Variants in DISP1 observed in about 807,000 individuals in gnomAD.
DISP1 encodes dispatched RND transporter family member 1.
A neutral mutation model predicts 37.3 loss-of-function variants in DISP1; 30 were observed. The ratio of observed to expected loss-of-function variants is 0.80; its 90% CI spans 0.60 to 1.09. DISP1 has a LOEUF of 1.09. Among genes scored for constraint, DISP1 ranks in the 50% least tolerant of loss-of-function variants. The probability of loss-of-function intolerance (pLI) is 0.00; values close to 1 mark genes in which losing one functional copy is unlikely to be tolerated. For missense variants in DISP1, 1,598 were observed against 1,879.5 expected (o/e 0.85, Z 2.77); for synonymous variants, 634 against 690.2 (o/e 0.92, Z 1.28).
At chr1:222,937,056 TGC>T in intron 2 of DISP1, among the ~76,000 whole-genome samples, 1 of 93,160 alleles carries the variant, frequency 1.1e-5, no homozygotes, top group Non-Finnish European at 1.9e-5. Flanking sequence ...ATATATAATA[TGC>T]AATATATAAT....
intron 2 of DISP1, among the ~76,000 whole-genome samples, chr1:222,936,842 TC>T (rs1673867882): frequency 2.0e-5 from 1 of 50,478 alleles, no homozygotes; most frequent in African/African-American, 7.3e-5. Context: ...ATTATATATA[TC>T]ATATATATGA....
intron 1 of DISP1, among the ~76,000 whole-genome samples, chr1:222,856,736 A>T (rs1259499466): frequency 1.5e-5 from 2 of 135,308 alleles, no homozygotes; most frequent in African/African-American, 5.6e-5. Context: ...ATGGAGTCTC[A>T]CTCTGTCACT....
At chr1:222,899,705 A>T (rs1420029055) in intron 1 of DISP1, 2 of 152,254 alleles carry the variant, frequency 1.3e-5, no homozygotes, top group Admixed American at 6.5e-5. Context: ...CAGCCCCCTG[A>T]ATACTTGGGA....
chr1:222,929,054 A>ACC (rs1673238973), intron 2 of DISP1, among the ~76,000 whole-genome samples: 1 of 152,246 alleles, frequency 6.6e-6, no homozygotes, highest in African/African-American at 2.4e-5. Flanking sequence ...CTTCCCTCCT[A>ACC]TAAAGAGAGT....
At chr1:222,977,977 A>G (rs1045733727) in intron 3 of DISP1, among the ~76,000 whole-genome samples, 2 of 152,108 alleles carry the variant, frequency 1.3e-5, no homozygotes, top group Admixed American at 6.5e-5. Context: ...GCTATTGTGA[A>G]TAGTGCCACA....
At chr1:222,837,119 G>A in intron 1 of DISP1, 1 of 398,456 alleles carries the variant, frequency 2.5e-6, no homozygotes, top group Non-Finnish European at 4.4e-6. Flanking sequence ...GATGTGAAAG[G>A]AAGAGATGCG....
At chr1:222,874,776 G>C (rs1347276906) in intron 1 of DISP1, among the ~76,000 whole-genome samples, 1 of 152,024 alleles carries the variant, frequency 6.6e-6, no homozygotes, top group Non-Finnish European at 1.5e-5. Flanking sequence ...GTCATTCTCC[G>C]TCCAGCTTTG....
intron 3 of DISP1, among the ~76,000 whole-genome samples, chr1:222,964,620 G>A (rs1434751544): frequency 6.6e-6 from 1 of 152,130 alleles, no homozygotes; most frequent in East Asian, 1.9e-4. Context: ...GGCTGCCCTG[G>A]TCATTTTTAG....
At chr1:222,834,706 A>G (rs17163518) in intron 1 of DISP1, among the ~76,000 whole-genome samples, 14,400 of 152,198 alleles carry the variant, frequency 0.095, 765 homozygotes, top group African/African-American at 0.12. Context: ...TAGTATCCCT[A>G]TAATTCTTTT....
At chr1:222,837,154 A>G (rs562508418) in intron 1 of DISP1, 5 of 397,818 alleles carry the variant, frequency 1.3e-5, no homozygotes, top group Non-Finnish European at 2.2e-5. Context: ...TCATCTTCTT[A>G]AAGAAAAAGC....
intron 3 of DISP1, among the ~76,000 whole-genome samples, chr1:222,954,690 TC>T (rs2125524981): frequency 6.6e-6 from 1 of 151,904 alleles, no homozygotes; most frequent in South Asian, 2.1e-4. Context: ...AGAGAAAGTG[TC>T]ATAGGAGAGG....
intron 2 of DISP1, among the ~76,000 whole-genome samples, chr1:222,939,851 C>T (rs949407523): frequency 2.6e-5 from 4 of 150,964 alleles, no homozygotes; most frequent in East Asian, 1.9e-4. Context: ...AAAGGCCGGG[C>T]GCAGTGGCTC....
In DISP1 at chr1:222,979,743, T is replaced by C. The variant is rs977684350; in HGVS notation, c.510-3337T>C. The C allele has an allele frequency of 2.4e-5, 11 of 458,896 alleles. No individual in the cohort carries two copies. The Middle Eastern group carries it at 1.3e-3, about 55-fold the overall frequency. The allele number at this position is 458,896 out of a possible 1,614,324, so 28.4% of individuals were successfully genotyped here. On this transcript the variant is annotated intron_variant, in intron 3 of 8. Coordinates refer to ENST00000675850, the MANE Select transcript of DISP1 (RefSeq NM_001377229.1). ...CTCACTGGAGTGGCCCTGCACTCCGTCCCTCTATGCATACTTGGATAGCCC... is the reference window on the plus strand; with the variant it reads ...CTCACTGGAGTGGCCCTGCACTCCGCCCCTCTATGCATACTTGGATAGCCC...
At chr1:222,910,661 T>G (rs116367939) in intron 1 of DISP1, among the ~76,000 whole-genome samples, 331 of 152,342 alleles carry the variant, frequency 2.2e-3, no homozygotes, top group African/African-American at 7.8e-3. Context: ...CTTAAGATAC[T>G]GCAAATGTCC....
intron 1 of DISP1, among the ~76,000 whole-genome samples, chr1:222,834,182 C>G (rs1017885124): frequency 2.6e-5 from 4 of 151,958 alleles, no homozygotes; most frequent in African/African-American, 7.3e-5. Context: ...CATTTTTCTT[C>G]TGCTTACCCC....
chr1:222,834,465 A>ATC (rs1421846655), intron 1 of DISP1, among the ~76,000 whole-genome samples: 2 of 152,184 alleles, frequency 1.3e-5, no homozygotes, highest in African/African-American at 2.4e-5. Flanking sequence ...TAGCAGTGGA[A>ATC]TGGAGAAGCC....
At chr1:222,931,913 G>T (rs2609408) in intron 2 of DISP1, among the ~76,000 whole-genome samples, 39,032 of 151,580 alleles carry the variant, frequency 0.26, 5,245 homozygotes, top group South Asian at 0.47. Context: ...ATTGTTCCAC[G>T]CAAAGTCTGC....
Position 223,003,704 on chromosome 1 carries a change from A to G in DISP1, c.2307A>G (p.Lys769=), listed in dbSNP as rs1255257992. 6.2e-7 allele frequency: 1 copy of G among 1,614,162 alleles called. No homozygotes were observed. Among genetic ancestry groups the G allele is most frequent in the Non-Finnish European group, 8.5e-7 (1 of 1,180,034 alleles). ...TTGAGCGTTATGATGCTGAATACAAAAAGCTTTTCATGTTTGAACGTGTTC... is the reference window on the plus strand; with the variant it reads ...TTGAGCGTTATGATGCTGAATACAAGAAGCTTTTCATGTTTGAACGTGTTC... ...HPFERYDAEY[K]KLFMFERVHH... The change falls in exon 9 of 9, where the codon AAA becomes AAG. Residue 769 remains lysine (K), a synonymous_variant. Transcript: ENST00000675850. This position sits in a 1 kb window ranked among gnomAD's most constrained non-coding sequence, Gnocchi z 4.3.
intron 8 of DISP1, among the ~76,000 whole-genome samples, chr1:222,997,052 A>C (rs1339463): frequency 0.37 from 51,334 of 139,444 alleles, 8,674 homozygotes; most frequent in East Asian, 0.44. Context: ...CTCTCTCTCT[A>C]TATATATATA....
Sources: gnomAD v4.1 joint callset for allele counts (sites outside exome capture counted in the v4.1 genomes callset) on GRCh38, gnomAD v4.1.1 for gene constraint, Gnocchi (gnomAD v3.1) non-coding constraint, MANE v1.5 for transcripts, NCBI Gene and HGNC (gene_info 2026-07-23, HGNC 2026-07-21) for gene names.